NMRK1: variants seen among roughly 807,000 people sequenced by gnomAD.
The protein encoded by NMRK1 is nicotinamide riboside kinase 1.
Under a neutral mutation model 29.9 loss-of-function variants are expected in NMRK1, and 28 were observed. The observed-to-expected ratio is 0.94, with a 90% CI of 0.69 to 1.28. The LOEUF (loss-of-function observed/expected upper bound fraction) is 1.28. NMRK1 is among the 50% of genes most tolerant of loss of function. The pLI is 0.00. For missense variants in NMRK1, 218 were observed against 233.1 expected (o/e 0.94, Z 0.42); for synonymous variants, 58 against 73.0 (o/e 0.79, Z 1.05).
chr9:75,068,151 T>C (rs997246460), intron 7 of NMRK1, among the ~76,000 whole-genome samples: 2 of 152,148 alleles, frequency 1.3e-5, no homozygotes, highest in African/African-American at 2.4e-5. Flanking sequence ...GCCCCCTCCA[T>C]AGCTGTTCTA....
At chr9:75,066,254 A>G in intron 8 of NMRK1, 1 of 518,722 alleles carries the variant, frequency 1.9e-6, no homozygotes, top group South Asian at 1.4e-5. Flanking sequence ...AGCCATATTT[A>G]GGCAGATCCC....
At chr9:75,067,563 C>T (rs1230019122) in intron 7 of NMRK1, among the ~76,000 whole-genome samples, 1 of 152,126 alleles carries the variant, frequency 6.6e-6, no homozygotes, top group Non-Finnish European at 1.5e-5. Flanking sequence ...GATTTTAGAG[C>T]AAGGGTGTAC....
At chr9:75,082,991 T>A in intron 2 of NMRK1, 96 bp downstream of exon 2, 1 of 883,502 alleles carries the variant, frequency 1.1e-6, no homozygotes, top group Non-Finnish European at 1.9e-6. Context: ...GACTCTGGAA[T>A]CCTCACTGCT....
chr9:75,079,631 A>T (rs770485370), intron 2 of NMRK1, among the ~76,000 whole-genome samples: 13 of 150,488 alleles, frequency 8.6e-5, no homozygotes, highest in Non-Finnish European at 1.9e-4. Context: ...AAAAGTATTT[A>T]AACAAGCCTG....
chr9:75,085,966 T>C (rs1402458948), intron 1 of NMRK1, among the ~76,000 whole-genome samples: 1 of 150,470 alleles, frequency 6.6e-6, no homozygotes, highest in Non-Finnish European at 1.5e-5. Context: ...CCTGAAGGCA[T>C]TTATTTCAAA....
At chr9:75,077,639 CTTTT>C in intron 2 of NMRK1, 59 bp from the exon 3 acceptor site, 1 of 907,088 alleles carries the variant, frequency 1.1e-6, no homozygotes, top group Non-Finnish European at 1.7e-6. Context: ...TCATTAAACA[CTTTT>C]TTTTTTTTGA....
At chr9:75,074,166 T>G (rs13293640) in intron 4 of NMRK1, among the ~76,000 whole-genome samples, 26,209 of 151,850 alleles carry the variant, frequency 0.17, 2,276 homozygotes, top group South Asian at 0.19. Flanking sequence ...CAAGTGATTC[T>G]CCCGCTTCGG....
In NMRK1 at chr9:75,077,167, T is replaced by C. The variant is rs750652016; in HGVS notation, c.161A>G (p.Gln54Arg). The C allele has an allele frequency of 6.3e-6, 10 of 1,586,558 alleles. No homozygotes were observed. The Admixed American group carries it at 1.5e-4, about 24-fold the overall frequency. The change falls in exon 4 of 9, where the codon CAG becomes CGG. Residue 54 changes from glutamine (Q) to arginine (R), a missense_variant. Gln to Arg is a conservative substitution (Grantham distance 43, BLOSUM62 1). Transcript: ENST00000361092. The part of the protein sequence containing the change: ...EIETDKNGFL[Q>R]YDVLEALNME... ...CAAGTAAATCTACTTACCATCGTACTGCAAAAATCCATTTTTATCTGTCTC... is the reference window on the plus strand; with the variant it reads ...CAAGTAAATCTACTTACCATCGTACCGCAAAAATCCATTTTTATCTGTCTC...
At chr9:75,068,219 T>G (rs1823480733) in intron 7 of NMRK1, among the ~76,000 whole-genome samples, 1 of 152,102 alleles carries the variant, frequency 6.6e-6, no homozygotes, top group Non-Finnish European at 1.5e-5. Flanking sequence ...TCTATCCTCC[T>G]CCATTCTCCA....
intron 6 of NMRK1, chr9:75,069,502 A>G: frequency 2.0e-6 from 1 of 509,844 alleles, no homozygotes; most frequent in South Asian, 2.5e-5. Context: ...GCTTTGTTTG[A>G]GGATTTAGGA....
Position 75,060,860 on chromosome 9 carries a change from A to AG in NMRK1, c.*687_*688insC, listed in dbSNP as rs1316024287. 5 of 136,582 alleles carry AG rather than the reference A, an allele frequency of 3.7e-5. No homozygotes were observed. In the East Asian group the frequency reaches 1.0e-3, roughly 28 times the overall value. The allele number at this position is 136,582 out of a possible 1,614,324, so 8.5% of individuals were successfully genotyped here. A position where few individuals can be genotyped will look rare whatever the true frequency, so the allele number is the denominator to read the frequency against. ...GATACAATGGTATTAGATACACGCC[A>AG]ACACACACACACACACACACACACA... On this transcript the variant is annotated 3_prime_UTR_variant, in exon 9 of 9. Coordinates refer to ENST00000361092, the MANE Select transcript of NMRK1 (RefSeq NM_017881.3).
Position 75,061,548 on chromosome 9 carries a change from T to A in NMRK1, c.600A>T (p.Ter200TyrextTer9). 1.2e-6 allele frequency: 2 copies of A among 1,610,526 alleles called. No individual in the cohort carries two copies. The highest frequency in any genetic ancestry group is 1.1e-5 in the South Asian group (1 of 90,558). Residue 200 changes from the stop codon to tyrosine (Y), a stop_lost, in exon 9 of 9, where the codon TAA becomes TAT. Coordinates refer to ENST00000361092, the MANE Select transcript of NMRK1 (RefSeq NM_017881.3). ...AGGAAGGATTTGTTGTGTTCCGTCTTTATGCTGTCACTTGCAAACCTTGGG... is the reference window on the plus strand; with the variant it reads ...AGGAAGGATTTGTTGTGTTCCGTCTATATGCTGTCACTTGCAAACCTTGGG... ...AKQKCLQVTA[*>Y] is the part of the protein sequence containing the mutation.
chr9:75,061,929 T>C lies in NMRK1; in HGVS notation c.581-362A>G, dbSNP rs184503665. Among the ~76,000 whole-genome samples the C allele has an allele frequency of 2.5e-3, 374 of 152,346 alleles. 1 individual carries two copies. Among genetic ancestry groups the C allele is most frequent in the Non-Finnish European group, 4.3e-3 (294 of 68,038 alleles). On this transcript the variant is annotated intron_variant, in intron 8 of 8. Transcript: ENST00000361092. Reference sequence around the variant, plus strand: ...CTTGATGTGGGGAAAGTATTGTTACTTTAATCCCTTTTCTTAAACGAAGGA... The same window carrying C: ...CTTGATGTGGGGAAAGTATTGTTACCTTAATCCCTTTTCTTAAACGAAGGA...
intron 1 of NMRK1, among the ~76,000 whole-genome samples, chr9:75,084,526 T>C (rs1023131196): frequency 1.3e-5 from 2 of 152,234 alleles, no homozygotes; most frequent in African/African-American, 4.8e-5. Context: ...CTGTGGCTCA[T>C]GCCTATAATC....
chr9:75,086,094 A>G, intron 1 of NMRK1, among the ~76,000 whole-genome samples: 1 of 152,052 alleles, frequency 6.6e-6, no homozygotes, highest in East Asian at 1.9e-4. Context: ...AAAAATCACC[A>G]AGGCTGCAGT....
At chr9:75,079,447 A>AT (rs200992597) in intron 2 of NMRK1, among the ~76,000 whole-genome samples, 7,439 of 152,262 alleles carry the variant, frequency 0.049, 221 homozygotes, top group Middle Eastern at 0.078. Context: ...AAAATCTGTC[A>AT]TTTTTTAGAC....
chr9:75,063,956 T>A (rs1823190855), intron 8 of NMRK1, among the ~76,000 whole-genome samples: 1 of 147,566 alleles, frequency 6.8e-6, no homozygotes, highest in Admixed American at 6.8e-5. Flanking sequence ...TTTATCCCTC[T>A]TTTAAGTTTT....
chr9:75,069,751 C>T lies in NMRK1; in HGVS notation c.380G>A (p.Arg127Lys). ...FLTIPYEECK[R>K]RRSTRVYQPP... Reference sequence around the variant, plus strand: ...TGGCTTCAAAACTTACCTCCTCCTCCTTTTACATTCTTCATATGGAATAGT... The same window carrying T: ...TGGCTTCAAAACTTACCTCCTCCTCTTTTTACATTCTTCATATGGAATAGT... Residue 127 changes from arginine to lysine, a missense_variant, in exon 6 of 9, where the codon AGG (arginine) becomes AAG (lysine). Transcript: ENST00000361092. 1.2e-6 allele frequency: 2 copies of T among 1,610,502 alleles called. No individual in the cohort carries two copies. The highest frequency in any genetic ancestry group is 1.7e-6 in the Non-Finnish European group (2 of 1,178,454).
rs544734918 is a variant in NMRK1, at chr9:75,069,115, G to T, written c.390-13C>A. 10 of 1,563,822 alleles carry T rather than the reference G, an allele frequency of 6.4e-6. No individual in the cohort carries two copies. The highest frequency in any genetic ancestry group is 8.8e-6 in the Non-Finnish European group (10 of 1,136,324). ...ATAGACCCTTGTACTATCAAAACACGTAGGAAACTTTATGTTGACAGAAAC... is the reference window on the plus strand; with the variant it reads ...ATAGACCCTTGTACTATCAAAACACTTAGGAAACTTTATGTTGACAGAAAC... On this transcript the variant is annotated splice_polypyrimidine_tract_variant and intron_variant, in intron 6 of 8. Coordinates refer to ENST00000361092, the MANE Select transcript of NMRK1 (RefSeq NM_017881.3).
Sources: gnomAD v4.1 joint callset for allele counts (sites outside exome capture counted in the v4.1 genomes callset) on GRCh38, gnomAD v4.1.1 for gene constraint, MANE v1.5 for transcripts, NCBI Gene and HGNC (gene_info 2026-07-23, HGNC 2026-07-21) for gene names.